MYO10: variants seen among roughly 807,000 people sequenced by gnomAD.
MYO10 encodes unconventional myosin-X.
A neutral mutation model predicts 257.3 loss-of-function variants in MYO10; 133 were observed. That is an observed-to-expected ratio of 0.52 (90% confidence interval 0.45 to 0.60). The LOEUF (loss-of-function observed/expected upper bound fraction) is 0.60. MYO10 is among the 20% of genes least tolerant of loss of function. The pLI is 0.00. For synonymous variants in MYO10, 1,104 were observed against 1,028.6 expected (o/e 1.07, Z -1.40); for missense variants, 2,399 against 2,635.7 (o/e 0.91, Z 1.97).
At chr5:16,761,598 G>C (rs746109212) in intron 16 of MYO10, 52 bp from the exon 17 acceptor site, 3 of 1,343,236 alleles carry the variant, frequency 2.2e-6, no homozygotes, top group Non-Finnish European at 3.2e-6. Context: ...ATAGTTTCAG[G>C]TCATAAGCAA....
intron 19 of MYO10, among the ~76,000 whole-genome samples, chr5:16,742,824 A>AT (rs1740060285): frequency 6.6e-6 from 1 of 151,462 alleles, no homozygotes; most frequent in African/African-American, 2.4e-5. Context: ...AAAAAAAAAA[A>AT]TACATACATA....
At chr5:16,909,415 A>C (rs1745599546) in intron 1 of MYO10, among the ~76,000 whole-genome samples, 1 of 151,692 alleles carries the variant, frequency 6.6e-6, no homozygotes, top group Non-Finnish European at 1.5e-5. Flanking sequence ...CTGAGGCAGC[A>C]GAATCGCTTG....
intron 2 of MYO10, among the ~76,000 whole-genome samples, chr5:16,870,641 C>T (rs1398702089): frequency 1.3e-5 from 2 of 152,060 alleles, no homozygotes; most frequent in African/African-American, 4.8e-5. Flanking sequence ...ACCTGTAATC[C>T]CAGCACTTTG....
At chr5:16,893,617 G>A (rs1286818328) in intron 1 of MYO10, among the ~76,000 whole-genome samples, 5 of 142,042 alleles carry the variant, frequency 3.5e-5, no homozygotes, top group South Asian at 2.2e-4. Flanking sequence ...CTGGGTGAGG[G>A]AGTGAGACTC....
At chr5:16,769,007 A>G (rs1740966570) in intron 10 of MYO10, 67 bp downstream of exon 10, 2 of 1,522,380 alleles carry the variant, frequency 1.3e-6, no homozygotes, top group Non-Finnish European at 1.8e-6. Flanking sequence ...TAGACAGTCA[A>G]TAATTTAGGT....
chr5:16,909,523 A>AAAC (rs1247483771), intron 1 of MYO10, among the ~76,000 whole-genome samples: 1 of 140,480 alleles, frequency 7.1e-6, no homozygotes, highest in East Asian at 2.1e-4. Flanking sequence ...AAAAAAAAAA[A>AAAC]CCATCAGACC....
At chr5:16,893,849 A>T (rs1039166958) in intron 1 of MYO10, among the ~76,000 whole-genome samples, 1 of 151,990 alleles carries the variant, frequency 6.6e-6, no homozygotes, top group Non-Finnish European at 1.5e-5. Context: ...ACGTGCTGAA[A>T]TTGGAGGGGA....
chr5:16,807,206 A>T (rs1742303701), intron 3 of MYO10, among the ~76,000 whole-genome samples: 1 of 152,156 alleles, frequency 6.6e-6, no homozygotes, highest in African/African-American at 2.4e-5. Context: ...CTTGAGTGCA[A>T]CTTCAGCTGT....
chr5:16,896,887 AC>A (rs1745233633), intron 1 of MYO10, among the ~76,000 whole-genome samples: 1 of 152,056 alleles, frequency 6.6e-6, no homozygotes, highest in Non-Finnish European at 1.5e-5. Context: ...TGATTCTCAA[AC>A]CTGGTCTGCC....
intron 21 of MYO10, among the ~76,000 whole-genome samples, chr5:16,705,552 TAAC>T (rs1440695949): frequency 6.6e-6 from 1 of 152,238 alleles, no homozygotes; most frequent in Non-Finnish European, 1.5e-5. Flanking sequence ...TGATTCCCTA[TAAC>T]AACCAGTATC....
chr5:16,750,594 G>A (rs1371080532), intron 19 of MYO10, among the ~76,000 whole-genome samples: 1 of 152,156 alleles, frequency 6.6e-6, no homozygotes, highest in Non-Finnish European at 1.5e-5. Flanking sequence ...ATGCCTGAAG[G>A]CACAAAAGCA....
chr5:16,880,587 A>G (rs1473386673), intron 1 of MYO10, among the ~76,000 whole-genome samples: 2 of 152,226 alleles, frequency 1.3e-5, no homozygotes, highest in Non-Finnish European at 2.9e-5. Context: ...GATGGAAAAT[A>G]GCATCAAAAA....
intron 30 of MYO10, among the ~76,000 whole-genome samples, chr5:16,682,930 G>A (rs574771934): frequency 6.6e-6 from 1 of 152,288 alleles, no homozygotes; most frequent in African/African-American, 2.4e-5. Flanking sequence ...GGAGTGAAGG[G>A]CTTGGGAGAG....
chr5:16,699,808 G>T, intron 25 of MYO10, among the ~76,000 whole-genome samples: 1 of 136,178 alleles, frequency 7.3e-6, no homozygotes, highest in South Asian at 2.3e-4. Flanking sequence ...AAAAAAAAAA[G>T]GGAAAAGGAA....
chr5:16,694,671 G>A (rs1336968272), intron 26 of MYO10, 57 bp from the exon 27 acceptor site: 1 of 1,596,880 alleles, frequency 6.3e-7, no homozygotes, highest in Non-Finnish European at 8.5e-7. Context: ...CAAGTTGGAT[G>A]ACAACAACAT....
chr5:16,688,211 G>C (rs548941839), intron 28 of MYO10, among the ~76,000 whole-genome samples: 4 of 152,242 alleles, frequency 2.6e-5, no homozygotes, highest in Admixed American at 6.5e-5. Flanking sequence ...AGGTTTGCTT[G>C]TTTTTCCAGT....
chr5:16,762,715 G>A, intron 14 of MYO10, 78 bp from the exon 15 acceptor site: 1 of 1,126,904 alleles, frequency 8.9e-7, no homozygotes, highest in Non-Finnish European at 1.3e-6. Context: ...TGTAATTCCA[G>A]CACTTTGGGA....
chr5:16,815,215 A>C, intron 3 of MYO10: 1 of 464,158 alleles, frequency 2.2e-6, no homozygotes, highest in Non-Finnish European at 3.8e-6. Context: ...TATGAGTTTC[A>C]AAATATAGAT....
At position 16,701,846 on chromosome 5, in the gene MYO10, G is replaced by T. The variant is rs763459530; in HGVS notation, c.2557-8C>A. On this transcript the variant is annotated splice_region_variant and splice_polypyrimidine_tract_variant and intron_variant, in intron 24 of 40. Coordinates refer to ENST00000513610, the MANE Select transcript of MYO10 (RefSeq NM_012334.3). This position sits in a 1 kb window ranked among gnomAD's most constrained non-coding sequence, Gnocchi z 8.1. Reference sequence around the variant, plus strand: ...CTTCCTCGTTTCTTCTTCCTGGACAGAAGCAGAAGGGAGATTTCAGAAGGC... The same window carrying T: ...CTTCCTCGTTTCTTCTTCCTGGACATAAGCAGAAGGGAGATTTCAGAAGGC... The T allele has an allele frequency of 6.3e-7, 1 of 1,580,220 alleles. No individual in the cohort carries two copies. The highest frequency in any genetic ancestry group is 2.2e-5 in the East Asian group (1 of 44,712).
Sources: gnomAD v4.1 joint callset for allele counts (sites outside exome capture counted in the v4.1 genomes callset) on GRCh38, gnomAD v4.1.1 for gene constraint, Gnocchi (gnomAD v3.1) non-coding constraint, MANE v1.5 for transcripts, NCBI Gene and HGNC (gene_info 2026-07-23, HGNC 2026-07-21) for gene names.